Variants in ERGIC2 observed in about 807,000 individuals in gnomAD.
The protein encoded by ERGIC2 is ERGIC and golgi 2.
A neutral mutation model predicts 52.5 loss-of-function variants in ERGIC2; 31 were observed. The ratio of observed to expected loss-of-function variants is 0.59; its 90% CI spans 0.44 to 0.80. ERGIC2 has a LOEUF of 0.80. Ranked by LOEUF, ERGIC2 falls within the 30% of genes least tolerant of loss-of-function variation. The pLI is 0.00. For synonymous variants in ERGIC2, 129 were observed against 140.6 expected (o/e 0.92, Z 0.58); for missense variants, 395 against 455.2 (o/e 0.87, Z 1.20).
At chr12:29,346,185 T>C (rs1470178790) in intron 10 of ERGIC2, among the ~76,000 whole-genome samples, 1 of 150,910 alleles carries the variant, frequency 6.6e-6, no homozygotes, top group Admixed American at 6.6e-5. Context: ...GTAGCATTTT[T>C]CTTTTTCCTT....
chr12:29,338,453 T>G lies in ERGIC2; in HGVS notation c.*2703A>C, dbSNP rs1949812661. The G allele has an allele frequency of 6.6e-6, 1 of 152,074 alleles. No homozygotes were observed. The highest frequency in any genetic ancestry group is 6.6e-5 in the Admixed American group (1 of 15,242). 9.4% of individuals were successfully genotyped at this position (152,074 alleles called of 1,614,324 possible). ...TGAGTCCGGGAGTTGGAGTCCAGCT[T>G]GAACAACACAGCAAGATACTAACTA... is the stretch of plus-strand genomic sequence containing the variant. On this transcript the variant is annotated 3_prime_UTR_variant, in exon 14 of 14. Transcript: ENST00000360150.
intron 1 of ERGIC2, among the ~76,000 whole-genome samples, chr12:29,375,316 C>T (rs1444997301): frequency 2.0e-5 from 3 of 152,162 alleles, no homozygotes; most frequent in Non-Finnish European, 4.4e-5. Flanking sequence ...GGAACCATGT[C>T]TAACTTGATC....
intron 3 of ERGIC2, among the ~76,000 whole-genome samples, chr12:29,368,984 C>A (rs568400185): frequency 6.6e-6 from 1 of 151,838 alleles, no homozygotes; most frequent in African/African-American, 2.4e-5. Context: ...TGAAGCATTG[C>A]GAATAATAGA....
intron 1 of ERGIC2, chr12:29,372,901 C>A (rs573636745): frequency 1.3e-5 from 2 of 151,934 alleles, no homozygotes. Context: ...AAGCCTTCCA[C>A]CCACCTCGGC....
intron 1 of ERGIC2, among the ~76,000 whole-genome samples, chr12:29,375,020 A>C (rs1355671285): frequency 6.6e-6 from 1 of 152,086 alleles, no homozygotes; most frequent in Non-Finnish European, 1.5e-5. Flanking sequence ...TTCAAACCCA[A>C]TCACTCACAG....
chr12:29,348,719 C>A (rs73273368), intron 10 of ERGIC2, among the ~76,000 whole-genome samples: 3,596 of 151,916 alleles, frequency 0.024, 133 homozygotes, highest in African/African-American at 0.082. Flanking sequence ...GAAGAAAATT[C>A]TTCTCATAAT....
intron 1 of ERGIC2, among the ~76,000 whole-genome samples, chr12:29,375,646 T>C (rs1254684728): frequency 6.6e-6 from 1 of 152,226 alleles, no homozygotes; most frequent in Non-Finnish European, 1.5e-5. Context: ...TTAATTTATA[T>C]ATAAGCATAA....
intron 6 of ERGIC2, 55 bp downstream of exon 6, chr12:29,361,590 T>C (rs377199237): frequency 1.5e-5 from 21 of 1,362,386 alleles, no homozygotes; most frequent in Non-Finnish European, 2.0e-5. Context: ...TAGTTTACAA[T>C]AGACAAAATA....
intron 6 of ERGIC2, among the ~76,000 whole-genome samples, chr12:29,361,423 AAACT>A (rs1940285348): frequency 6.6e-6 from 1 of 152,216 alleles, no homozygotes. Flanking sequence ...TTTTAAATAA[AAACT>A]AAAACTTATG....
At chr12:29,345,665 G>A in intron 10 of ERGIC2, 125 bp from the exon 11 acceptor site, 1 of 662,650 alleles carries the variant, frequency 1.5e-6, no homozygotes, top group South Asian at 1.6e-5. Flanking sequence ...TGTAATCTCA[G>A]CACTTTGGGA....
Position 29,345,494 on chromosome 12 carries a change from T to C in ERGIC2, c.774A>G (p.Leu258=). Residue 258 remains leucine, a synonymous_variant, in exon 11 of 14, where the codon CTA becomes CTG. Coordinates refer to ENST00000360150, the MANE Select transcript of ERGIC2 (RefSeq NM_016570.3). ...QYFITVVPTK[L]HTYKISADTH... The stretch of plus-strand genomic sequence containing the variant: ...TGTCTGCTGATATTTTATATGTATG[T>C]AGTTTTGTTGGCACAACTGTAATAA... 2 of 1,606,852 alleles carry C rather than the reference T, an allele frequency of 1.2e-6. No individual in the cohort carries two copies. The highest frequency in any genetic ancestry group is 1.7e-6 in the Non-Finnish European group (2 of 1,175,138).
intron 8 of ERGIC2, 103 bp from the exon 9 acceptor site, chr12:29,350,171 C>T: frequency 1.4e-6 from 1 of 693,014 alleles, no homozygotes; most frequent in Admixed American, 2.7e-5. Flanking sequence ...TTTCTTAGTA[C>T]AAAATAACAT....
intron 10 of ERGIC2, among the ~76,000 whole-genome samples, chr12:29,346,044 C>T (rs1475706422): frequency 6.6e-6 from 1 of 151,920 alleles, no homozygotes; most frequent in African/African-American, 2.4e-5. Flanking sequence ...ATGAAAGCAA[C>T]ATATTTATAC....
intron 8 of ERGIC2, among the ~76,000 whole-genome samples, chr12:29,353,655 C>A (rs1218802992): frequency 6.6e-6 from 1 of 151,746 alleles, no homozygotes; most frequent in African/African-American, 2.4e-5. Flanking sequence ...ATACATTTTA[C>A]TTCAATGATC....
chr12:29,361,337 C>T (rs1418368437), intron 6 of ERGIC2, among the ~76,000 whole-genome samples: 1 of 152,142 alleles, frequency 6.6e-6, no homozygotes, highest in African/African-American at 2.4e-5. Flanking sequence ...TGCTTTATAT[C>T]ATTTCTATTC....
In ERGIC2 at chr12:29,366,858, C is replaced by A. The variant is rs774660748; in HGVS notation, c.333+19G>T. ...TCCTCAACCCGTGTATTTCAAAAAA[C>A]CATGTGAATCAAACTTACTGGTTCA... On this transcript the variant is annotated intron_variant, in intron 5 of 13. Transcript: ENST00000360150. The A allele has an allele frequency of 1.3e-6, 2 of 1,550,226 alleles. No individual in the cohort carries two copies. The highest frequency in any genetic ancestry group is 4.6e-5 in the East Asian group (2 of 43,720).
intron 1 of ERGIC2, among the ~76,000 whole-genome samples, chr12:29,377,759 C>T (rs1940533834): frequency 6.6e-6 from 1 of 152,180 alleles, no homozygotes; most frequent in African/African-American, 2.4e-5. Flanking sequence ...GCCTATATTT[C>T]ATCATTGTAT....
At chr12:29,373,233 C>G (rs1043582920) in intron 1 of ERGIC2, among the ~76,000 whole-genome samples, 3 of 152,072 alleles carry the variant, frequency 2.0e-5, no homozygotes, top group African/African-American at 7.2e-5. Flanking sequence ...TTTATCAGCA[C>G]GTCATCTACA....
Position 29,337,861 on chromosome 12 carries a change from A to C in ERGIC2, c.*3295T>G, listed in dbSNP as rs1028817411. 1.3e-5 allele frequency: 2 copies of C among 152,184 alleles called. No homozygotes were observed. Among genetic ancestry groups the C allele is most frequent in the Non-Finnish European group, 1.5e-5 (1 of 68,026 alleles). The allele number at this position is 152,184 out of a possible 1,614,324, so 9.4% of individuals were successfully genotyped here. On this transcript the variant is annotated 3_prime_UTR_variant, in exon 14 of 14. Coordinates refer to ENST00000360150, the MANE Select transcript of ERGIC2 (RefSeq NM_016570.3). Reference sequence around the variant, plus strand: ...AGGACATAGATGGAATGCACAGTGTATCTCTCTTACACTATTAAAAAATTA... The same window carrying C: ...AGGACATAGATGGAATGCACAGTGTCTCTCTCTTACACTATTAAAAAATTA...
Sources: gnomAD v4.1 joint callset for allele counts (sites outside exome capture counted in the v4.1 genomes callset) on GRCh38, gnomAD v4.1.1 for gene constraint, MANE v1.5 for transcripts, NCBI Gene and HGNC (gene_info 2026-07-23, HGNC 2026-07-21) for gene names.